The following RNF125 variants were observed in gnomAD, a reference collection of about 807,000 sequenced individuals.
RNF125 encodes ring finger protein 125.
Under a neutral mutation model 26.0 loss-of-function variants are expected in RNF125, and 21 were observed. The observed-to-expected ratio is 0.81, with a 90% CI of 0.57 to 1.16. The LOEUF (loss-of-function observed/expected upper bound fraction) is 1.16, where lower values mean the gene tolerates loss of function less well. Ranked by LOEUF, RNF125 falls within the 50% of genes most tolerant of loss-of-function variation. The pLI, the probability that RNF125 is intolerant of heterozygous loss-of-function variation, is 0.00. For synonymous variants in RNF125, 95 were observed against 109.2 expected (o/e 0.87, Z 0.81); for missense variants, 270 against 299.4 (o/e 0.90, Z 0.72).
downstream of RNF125, among the ~76,000 whole-genome samples, chr18:32,074,606 G>A (rs186957044): frequency 2.2e-3 from 328 of 152,014 alleles, no homozygotes; most frequent in African/African-American, 6.8e-3. Context: ...GCAGTGGCAC[G>A]ATCTCAGCTC....
intron 1 of RNF125, among the ~76,000 whole-genome samples, chr18:32,035,491 A>G (rs774571245): frequency 1.3e-5 from 2 of 152,232 alleles, no homozygotes; most frequent in African/African-American, 4.8e-5. Flanking sequence ...ATCATCAGCA[A>G]GTATTTAAAT....
the RNF125 span, among the ~76,000 whole-genome samples, chr18:32,084,269 C>T: frequency 3.3e-5 from 5 of 152,224 alleles, no homozygotes; most frequent in South Asian, 6.2e-4. Flanking sequence ...GCAGGGGAAT[C>T]GCTTGAACCC....
intron 4 of RNF125, among the ~76,000 whole-genome samples, chr18:32,057,949 C>T (rs747095475): frequency 1.3e-5 from 2 of 151,928 alleles, no homozygotes; most frequent in African/African-American, 4.8e-5. Flanking sequence ...GAGGACCCCA[C>T]GCTGAGAACC....
At chr18:32,034,383 A>G (rs959482039) in intron 1 of RNF125, among the ~76,000 whole-genome samples, 3 of 152,126 alleles carry the variant, frequency 2.0e-5, no homozygotes, top group Non-Finnish European at 4.4e-5. Flanking sequence ...TGGGTAAGGG[A>G]TGCAACAGCG....
intron 1 of RNF125, among the ~76,000 whole-genome samples, chr18:32,023,168 T>C (rs1365056195): frequency 6.6e-6 from 1 of 151,970 alleles, no homozygotes; most frequent in Non-Finnish European, 1.5e-5. Context: ...ATTTGTTTAT[T>C]TTGAGATGGA....
intron 1 of RNF125, among the ~76,000 whole-genome samples, chr18:32,027,991 G>A (rs1003435876): frequency 1.3e-5 from 2 of 152,018 alleles, no homozygotes; most frequent in Non-Finnish European, 2.9e-5. Context: ...ACAGGTAGAA[G>A]CTCTCAGAAA....
At chr18:32,040,203 C>T (rs1301160967) in intron 2 of RNF125, among the ~76,000 whole-genome samples, 2 of 151,906 alleles carry the variant, frequency 1.3e-5, no homozygotes, top group Non-Finnish European at 2.9e-5. Context: ...TTCAGAGTCC[C>T]GCCAGATCTC....
chr18:32,087,181 C>T, the RNF125 span, among the ~76,000 whole-genome samples: 54,267 of 151,518 alleles, frequency 0.36, 11,550 homozygotes, highest in Admixed American at 0.52. Context: ...TACCAGTAAT[C>T]GTGTTTCTCT....
At chr18:32,050,626 A>T (rs2039314419) in intron 4 of RNF125, among the ~76,000 whole-genome samples, 1 of 152,100 alleles carries the variant, frequency 6.6e-6, no homozygotes, top group Non-Finnish European at 1.5e-5. Flanking sequence ...GGCATGAGCC[A>T]CTAAGCTCGG....
At chr18:32,030,705 C>T (rs2039084834) in intron 1 of RNF125, among the ~76,000 whole-genome samples, 1 of 152,168 alleles carries the variant, frequency 6.6e-6, no homozygotes, top group African/African-American at 2.4e-5. Flanking sequence ...ATACTACAGA[C>T]TGGGTAATAG....
chr18:32,078,856 G>A, the RNF125 span, among the ~76,000 whole-genome samples: 22 of 152,090 alleles, frequency 1.4e-4, no homozygotes, highest in Middle Eastern at 3.4e-3. Flanking sequence ...GTTGTTTTAT[G>A]CCTCTGTGAT....
intron 4 of RNF125, among the ~76,000 whole-genome samples, chr18:32,049,092 C>T (rs1351621767): frequency 6.6e-6 from 1 of 152,196 alleles, no homozygotes; most frequent in African/African-American, 2.4e-5. Context: ...TTCCGTGGTA[C>T]TGTGTACCTG....
At chr18:32,035,615 T>C (rs1040462472) in intron 1 of RNF125, among the ~76,000 whole-genome samples, 56 of 152,070 alleles carry the variant, frequency 3.7e-4, no homozygotes, top group African/African-American at 1.3e-3. Context: ...ATATAATGAA[T>C]CTTTTGACCA....
At chr18:32,056,113 G>A (rs1434900005) in intron 4 of RNF125, among the ~76,000 whole-genome samples, 6 of 151,482 alleles carry the variant, frequency 4.0e-5, no homozygotes, top group African/African-American at 1.5e-4. Flanking sequence ...ACGTCATATA[G>A]GACTTTTTTT....
intron 5 of RNF125, among the ~76,000 whole-genome samples, chr18:32,066,329 C>T (rs2039485213): frequency 6.6e-6 from 1 of 151,878 alleles, no homozygotes; most frequent in South Asian, 2.1e-4. Context: ...CATGGTGGTA[C>T]ACGCCTGTAG....
chr18:32,039,498 TTGTC>T (rs1361874387), intron 2 of RNF125, among the ~76,000 whole-genome samples: 5 of 152,154 alleles, frequency 3.3e-5, no homozygotes, highest in Non-Finnish European at 7.4e-5. Context: ...TAACTGATGA[TTGTC>T]TTTTAACACA....
chr18:32,050,845 T>C (rs189870932), intron 4 of RNF125, among the ~76,000 whole-genome samples: 1 of 132,344 alleles, frequency 7.6e-6, no homozygotes, highest in Admixed American at 7.4e-5. Flanking sequence ...GCCCTCCAGC[T>C]AGTCTCTCGG....
At chr18:32,074,852 T>G (rs936774848), downstream of RNF125, among the ~76,000 whole-genome samples, 6 of 152,224 alleles carry the variant, frequency 3.9e-5, no homozygotes, top group South Asian at 6.2e-4. Flanking sequence ...CCTGCCATGG[T>G]AATATTTTCA....
intron 1 of RNF125, among the ~76,000 whole-genome samples, chr18:32,019,637 G>A (rs2038966788): frequency 6.6e-6 from 1 of 151,904 alleles, no homozygotes; most frequent in South Asian, 2.1e-4. Context: ...CCCCTCAAAG[G>A]GCAAGTCAAA....
Sources: gnomAD v4.1 joint callset for allele counts (sites outside exome capture counted in the v4.1 genomes callset) on GRCh38, gnomAD v4.1.1 for gene constraint, MANE v1.5 for transcripts, NCBI Gene and HGNC (gene_info 2026-07-23, HGNC 2026-07-21) for gene names.